The following ZNRF3 variants were observed in gnomAD, a reference collection of about 807,000 sequenced individuals.
The protein encoded by ZNRF3 is zinc and ring finger 3, also known as E3 ubiquitin-protein ligase ZNRF3.
ZNRF3 carries 23 observed loss-of-function variants against 72.5 expected under a neutral mutation model. That is an observed-to-expected ratio of 0.32 (90% CI 0.23 to 0.45). ZNRF3 has a LOEUF of 0.45. ZNRF3 is among the 20% of genes least tolerant of loss of function. The pLI, the probability that ZNRF3 is intolerant of heterozygous loss-of-function variation, is 1.00. For synonymous variants in ZNRF3, 610 were observed against 545.3 expected (o/e 1.12, Z -1.65); for missense variants, 1,169 against 1,272.1 (o/e 0.92, Z 1.23).
intron 1 of ZNRF3, among the ~76,000 whole-genome samples, chr22:28,939,003 G>A (rs1278619076): frequency 6.6e-6 from 1 of 152,256 alleles, no homozygotes; most frequent in East Asian, 1.9e-4. Flanking sequence ...TCTCAAAATA[G>A]GCCAGGCACG....
intron 2 of ZNRF3, 110 bp downstream of exon 2, chr22:28,987,311 G>A: frequency 6.8e-7 from 1 of 1,475,254 alleles, no homozygotes; most frequent in Non-Finnish European, 9.0e-7. Context: ...CTGGCACAGT[G>A]CTCCTTCCCG....
chr22:28,987,316 T>C, intron 2 of ZNRF3, 115 bp downstream of exon 2: 1 of 1,462,744 alleles, frequency 6.8e-7, no homozygotes. Flanking sequence ...ACAGTGCTCC[T>C]TCCCGGCTGA....
intron 1 of ZNRF3, chr22:28,917,533 C>A: frequency 8.6e-6 from 7 of 815,548 alleles, no homozygotes; most frequent in Non-Finnish European, 1.0e-5. Context: ...TCTCTGTAGG[C>A]TGAAGAATTT....
chr22:29,033,428 G>A (rs1473186939), intron 2 of ZNRF3, among the ~76,000 whole-genome samples: 4 of 151,620 alleles, frequency 2.6e-5, no homozygotes, highest in Non-Finnish European at 5.9e-5. Flanking sequence ...ACAATAAGCA[G>A]GAGGAGGTCA....
Position 29,050,214 on chromosome 22 carries a change from C to T in ZNRF3, c.2033C>T (p.Pro678Leu). 1 of 1,600,428 alleles carries T rather than the reference C, an allele frequency of 6.2e-7. No individual in the cohort carries two copies. ...SSNSSLEHRG[P>L]NSSTSEVGLE... is the part of the protein sequence containing the mutation. ...AACTCCTCCCTGGAGCACAGGGGGC[C>T]CAATAGCTCTACCTCAGAAGTGGGG... is the stretch of plus-strand genomic sequence containing the variant. Residue 678 changes from proline to leucine, a missense_variant, in exon 8 of 9, where the codon CCC (proline) becomes CTC (leucine). Physicochemically the swap from Pro to Leu is moderately conservative, Grantham distance 98. Around this residue, in one of 2 missense-constraint regions of ZNRF3, gnomAD observed 783 missense variants for 731.4 expected, o/e 1.07. Coordinates refer to ENST00000544604, the MANE Select transcript of ZNRF3 (RefSeq NM_001206998.2).
intron 1 of ZNRF3, among the ~76,000 whole-genome samples, chr22:28,955,626 G>C (rs1238656441): frequency 1.3e-5 from 2 of 152,092 alleles, no homozygotes; most frequent in Non-Finnish European, 2.9e-5. Flanking sequence ...TTAAGGTTTG[G>C]ATTATGGGAA....
chr22:29,006,697 T>G (rs778754158), intron 2 of ZNRF3, among the ~76,000 whole-genome samples: 5 of 152,210 alleles, frequency 3.3e-5, no homozygotes, highest in African/African-American at 1.2e-4. Flanking sequence ...CCCTTTGTAT[T>G]ACTAGAATAA....
rs569807258 is a variant in ZNRF3, at chr22:29,009,827, C to T, written c.426+22626C>T. Among the ~76,000 whole-genome samples, 7 of 151,722 alleles carry T rather than the reference C, an allele frequency of 4.6e-5. No individual in the cohort carries two copies. In the South Asian group the frequency reaches 1.5e-3, roughly 32 times the overall value. ...CATATAAGCTTCACCATTAAGTGTA[C>T]GAGTTCAGTGGCATTAATTAAGCAC... On this transcript the variant is annotated intron_variant, in intron 2 of 8. Coordinates refer to ENST00000544604, the MANE Select transcript of ZNRF3 (RefSeq NM_001206998.2).
At chr22:29,020,882 C>T (rs985901188) in intron 2 of ZNRF3, among the ~76,000 whole-genome samples, 2 of 151,458 alleles carry the variant, frequency 1.3e-5, no homozygotes, top group African/African-American at 4.9e-5. Context: ...CTGCAAGCTC[C>T]ACTTCCTGGG....
At chr22:29,021,218 G>C (rs1226911572) in intron 2 of ZNRF3, among the ~76,000 whole-genome samples, 1 of 151,774 alleles carries the variant, frequency 6.6e-6, no homozygotes, top group Non-Finnish European at 1.5e-5. Flanking sequence ...GGGGAAACGA[G>C]CGAAACTCTG....
At chr22:28,986,525 A>C (rs537156913) in intron 1 of ZNRF3, 1 of 792,834 alleles carries the variant, frequency 1.3e-6, no homozygotes, top group Admixed American at 6.2e-5. Flanking sequence ...AAGACCTCAA[A>C]GAATTTTATC....
Position 29,049,775 on chromosome 22 carries a change from T to C in ZNRF3, c.1594T>C (p.Tyr532His). ...CGGCAGCACGTCCAGCTTCAGCTGCTATCACGGCCACCGCTCGGTGTGCAG... is the reference window on the plus strand; with the variant it reads ...CGGCAGCACGTCCAGCTTCAGCTGCCATCACGGCCACCGCTCGGTGTGCAG... ...ESGSTSSFSC[Y>H]HGHRSVCSGY... is the part of the protein sequence containing the mutation. Residue 532 changes from tyrosine to histidine, a missense_variant, in exon 8 of 9, where the codon TAT becomes CAT. By Grantham distance (83) the Tyr-to-His change is moderately conservative. Coordinates refer to ENST00000544604, the MANE Select transcript of ZNRF3 (RefSeq NM_001206998.2). This position sits in a 1 kb window ranked among gnomAD's most constrained non-coding sequence, Gnocchi z 5.2. 1 of 1,598,820 alleles carries C rather than the reference T, an allele frequency of 6.3e-7. No individual in the cohort carries two copies. Among genetic ancestry groups the C allele is most frequent in the Non-Finnish European group, 8.5e-7 (1 of 1,170,852 alleles).
intron 2 of ZNRF3, among the ~76,000 whole-genome samples, chr22:29,024,007 T>C (rs982750269): frequency 2.6e-4 from 39 of 152,350 alleles, no homozygotes; most frequent in African/African-American, 8.2e-4. Context: ...GTAAGCACCC[T>C]GGATCATGAC....
At chr22:28,942,119 T>C (rs774555466) in intron 1 of ZNRF3, among the ~76,000 whole-genome samples, 1 of 152,240 alleles carries the variant, frequency 6.6e-6, no homozygotes, top group African/African-American at 2.4e-5. Context: ...AAGCCAAATG[T>C]GTACCTCTAG....
intron 1 of ZNRF3, among the ~76,000 whole-genome samples, chr22:28,887,240 G>A (rs1238828164): frequency 1.0e-5 from 1 of 100,302 alleles, no homozygotes; most frequent in Admixed American, 9.7e-5. Flanking sequence ...GAGAGAGTGT[G>A]TGTGTGTGTG....
rs1179279219 is a variant in ZNRF3 at position 28,883,716 on chromosome 22, C to A, written c.-51C>A. On this transcript the variant is annotated 5_prime_UTR_variant, in exon 1 of 9. Transcript: ENST00000544604. This position sits in a 1 kb window ranked among gnomAD's most constrained non-coding sequence, Gnocchi z 5.5. ...GCCCGCGTTCGGTCCTCAGCCGGCC[C>A]GCGACTATGCCCGGCCGCGCCCGCC... is the stretch of plus-strand genomic sequence containing the variant. 3.1e-6 allele frequency: 3 copies of A among 983,498 alleles called. No individual in the cohort carries two copies. The African/African-American group carries it at 5.3e-5, about 17-fold the overall frequency. The allele number at this position is 983,498 out of a possible 1,614,324, so 60.9% of individuals were successfully genotyped here.
At chr22:28,897,007 G>T (rs375453328) in intron 1 of ZNRF3, among the ~76,000 whole-genome samples, 13 of 152,150 alleles carry the variant, frequency 8.5e-5, no homozygotes, top group Non-Finnish European at 1.9e-4. Context: ...GGGCTCAAGC[G>T]ATCCTTCCGT....
At chr22:29,018,322 G>T in intron 2 of ZNRF3, 1 of 215,238 alleles carries the variant, frequency 4.6e-6, no homozygotes, top group Non-Finnish European at 9.7e-6. Flanking sequence ...GGAAGGGGAA[G>T]GGGTAGTGAG....
chr22:28,883,715 C>T lies in ZNRF3; in HGVS notation c.-52C>T, dbSNP rs2033709022. On this transcript the variant is annotated 5_prime_UTR_variant, in exon 1 of 9. Coordinates refer to ENST00000544604, the MANE Select transcript of ZNRF3 (RefSeq NM_001206998.2). This position sits in a 1 kb window ranked among gnomAD's most constrained non-coding sequence, Gnocchi z 5.5. ...CGCCCGCGTTCGGTCCTCAGCCGGC[C>T]CGCGACTATGCCCGGCCGCGCCCGC... The T allele has an allele frequency of 1.0e-6, 1 of 983,284 alleles. No homozygotes were observed. Among genetic ancestry groups the T allele is most frequent in the South Asian group, 4.5e-5 (1 of 22,044 alleles). The allele number at this position is 983,284 out of a possible 1,614,324, so 60.9% of individuals were successfully genotyped here.
Sources: gnomAD v4.1 joint callset for allele counts (sites outside exome capture counted in the v4.1 genomes callset) on GRCh38, gnomAD v4.1.1 for gene constraint, gnomAD v4.1.1 regional missense constraint, Gnocchi (gnomAD v3.1) non-coding constraint, MANE v1.5 for transcripts, NCBI Gene and HGNC (gene_info 2026-07-23, HGNC 2026-07-21) for gene names.